Variants in GDI2 observed in about 807,000 individuals in gnomAD.
GDI2 encodes the protein GDP dissociation inhibitor 2.
GDI2 carries 22 observed loss-of-function variants against 54.2 expected under a neutral mutation model. The observed-to-expected ratio is 0.41, with a 90% CI of 0.29 to 0.58. The LOEUF (loss-of-function observed/expected upper bound fraction) is 0.58, where lower values mean the gene tolerates loss of function less well. Among genes scored for constraint, GDI2 ranks in the 20% least tolerant of loss-of-function variants. GDI2 has a pLI of 0.35. For synonymous variants in GDI2, 177 were observed against 182.1 expected (o/e 0.97, Z 0.23); for missense variants, 422 against 546.0 (o/e 0.77, Z 2.26).
At position 5,771,874 on chromosome 10, in the gene GDI2, G is replaced by A. The variant is rs192963101; in HGVS notation, c.819+1968C>T. Among the ~76,000 whole-genome samples the A allele has an allele frequency of 3.4e-3, 520 of 152,140 alleles. 3 individuals are homozygous for A. The highest frequency in any genetic ancestry group is 0.012 in the African/African-American group (488 of 41,516). ...TGGGAGGCCGAGGCAGGCAGATCACGAGGTCAAGAAACCAAGACCAGCCTG... is the reference window on the plus strand; with the variant it reads ...TGGGAGGCCGAGGCAGGCAGATCACAAGGTCAAGAAACCAAGACCAGCCTG... On this transcript the variant is annotated intron_variant, in intron 7 of 10. Coordinates refer to ENST00000380191, the MANE Select transcript of GDI2 (RefSeq NM_001494.4).
intron 8 of GDI2, among the ~76,000 whole-genome samples, chr10:5,767,522 A>C (rs1170754172): frequency 6.6e-6 from 1 of 152,010 alleles, no homozygotes; most frequent in Non-Finnish European, 1.5e-5. Context: ...ACGAGCTCTC[A>C]CTATGTTACC....
At chr10:5,807,631 G>T (rs1034135351) in intron 1 of GDI2, among the ~76,000 whole-genome samples, 2 of 152,168 alleles carry the variant, frequency 1.3e-5, no homozygotes, top group African/African-American at 2.4e-5. Flanking sequence ...GGCACTTGAC[G>T]TTCTCCTACA....
Position 5,796,695 on chromosome 10 carries a change from A to T in GDI2, c.253+68T>A, listed in dbSNP as rs1841154078. 6 of 832,810 alleles carry T rather than the reference A, an allele frequency of 7.2e-6. 1 individual carries two copies. Among genetic ancestry groups the T allele is most frequent in the Non-Finnish European group, 1.1e-5 (5 of 475,800 alleles). 51.6% of individuals were successfully genotyped at this position (832,810 alleles called of 1,614,324 possible). On this transcript the variant is annotated intron_variant, in intron 3 of 10. Transcript: ENST00000380191. ...CTCATACCCAGAATAGTACTCTGTC[A>T]AAAGTTAGTTTTGATATTAAAATTG...
At chr10:5,769,162 A>G (rs1840428100) in intron 7 of GDI2, 1 of 152,162 alleles carries the variant, frequency 6.6e-6, no homozygotes, top group African/African-American at 2.4e-5. Flanking sequence ...ATCAGAAGAC[A>G]CTAATCAAGA....
At chr10:5,800,533 G>C (rs1435926852) in intron 2 of GDI2, 65 bp downstream of exon 2, 1 of 818,278 alleles carries the variant, frequency 1.2e-6, no homozygotes, top group African/African-American at 1.7e-5. Context: ...AAGGAATAAG[G>C]TAGAGATTCA....
chr10:5,772,231 TGAGTG>T (rs1268231881), intron 7 of GDI2, among the ~76,000 whole-genome samples: 2 of 152,218 alleles, frequency 1.3e-5, no homozygotes, highest in Non-Finnish European at 2.9e-5. Context: ...CAAAGGTGGC[TGAGTG>T]AAGTTTGTTG....
At chr10:5,796,928 TA>T (rs1841159647) in intron 2 of GDI2, 66 bp from the exon 3 acceptor site, 2 of 744,514 alleles carry the variant, frequency 2.7e-6, no homozygotes, top group Non-Finnish European at 4.7e-6. Flanking sequence ...AATATGTACA[TA>T]TTTTTTATTA....
At chr10:5,811,901 G>A (rs1405210599) in intron 1 of GDI2, 2 of 1,140,342 alleles carry the variant, frequency 1.8e-6, no homozygotes, top group Admixed American at 5.6e-5. Flanking sequence ...CCAAATAAAA[G>A]TTCGAAGGTT....
intron 1 of GDI2, among the ~76,000 whole-genome samples, chr10:5,805,643 C>T (rs1386686551): frequency 6.6e-6 from 1 of 152,208 alleles, no homozygotes. Flanking sequence ...GCCTTGTCCT[C>T]CCAAAGTGCT....
intron 2 of GDI2, among the ~76,000 whole-genome samples, chr10:5,798,336 C>G (rs1841192963): frequency 6.6e-6 from 1 of 152,106 alleles, no homozygotes; most frequent in South Asian, 2.1e-4. Context: ...GCCTGTAATT[C>G]CAGCACTTTG....
At chr10:5,795,366 C>T (rs939592451) in intron 3 of GDI2, among the ~76,000 whole-genome samples, 1 of 152,112 alleles carries the variant, frequency 6.6e-6, no homozygotes, top group Non-Finnish European at 1.5e-5. Flanking sequence ...AAACAATCCA[C>T]CCACCTTGGC....
rs1217163523 is a variant in GDI2, at chr10:5,766,295, T to A, written c.1137A>T (p.Lys379Asn). ...ALELLEPIEQ[K>N]FVSISDLLVP... ...CCAGGAGGTCACTGATGCTAACAAA[T>A]CTGGAGGGAGAGAGAATTCAGTCAG... is the stretch of plus-strand genomic sequence containing the variant. Residue 379 changes from lysine (K) to asparagine (N), a missense_variant and splice_region_variant, in exon 10 of 11, where the codon AAA (lysine) becomes AAT (asparagine). Transcript: ENST00000380191. This position sits in a 1 kb window ranked among gnomAD's most constrained non-coding sequence, Gnocchi z 5.8. 3 of 1,612,186 alleles carry A rather than the reference T, an allele frequency of 1.9e-6. No individual in the cohort carries two copies. The East Asian group carries it at 6.7e-5, about 36-fold the overall frequency.
intron 1 of GDI2, among the ~76,000 whole-genome samples, chr10:5,803,063 T>C (rs1162963266): frequency 6.6e-6 from 1 of 152,222 alleles, no homozygotes; most frequent in Non-Finnish European, 1.5e-5. Context: ...AGACAATATA[T>C]CGCAACAGAA....
intron 1 of GDI2, among the ~76,000 whole-genome samples, chr10:5,806,924 C>T (rs1257131017): frequency 6.6e-6 from 1 of 152,092 alleles, no homozygotes; most frequent in African/African-American, 2.4e-5. Context: ...TAAGCATGAC[C>T]CACTGGACTA....
intron 6 of GDI2, among the ~76,000 whole-genome samples, chr10:5,782,727 A>C (rs1278921695): frequency 6.6e-6 from 1 of 152,222 alleles, no homozygotes; most frequent in East Asian, 1.9e-4. Context: ...TGAGGTCAGG[A>C]GTTCAAGACC....
At chr10:5,784,020 C>A (rs1840817175) in intron 6 of GDI2, among the ~76,000 whole-genome samples, 1 of 152,098 alleles carries the variant, frequency 6.6e-6, no homozygotes, top group Non-Finnish European at 1.5e-5. Flanking sequence ...TCAATTAATC[C>A]CTCAAATTTG....
In GDI2 at chr10:5,766,577, A is replaced by C; in HGVS notation, c.1053T>G (p.Ala351=). Residue 351 remains alanine (A), a synonymous_variant, in exon 9 of 11, where the codon GCT becomes GCG. Coordinates refer to ENST00000380191, the MANE Select transcript of GDI2 (RefSeq NM_001494.4). The surrounding 1 kb of genome is among the most constrained non-coding windows in gnomAD (Gnocchi z 5.8). Reference sequence around the variant, plus strand: ...TGGTTTCCACAGTTGTACTAACTATAGCAATGTACTTCCCTTGTGCTGCTA... The same window carrying C: ...TGGTTTCCACAGTTGTACTAACTATCGCAATGTACTTCCCTTGTGCTGCTA... ...HNVAAQGKYI[A]IVSTTVETKE... 5 of 1,612,670 alleles carry C rather than the reference A, an allele frequency of 3.1e-6. No homozygotes were observed. The highest frequency in any genetic ancestry group is 4.2e-6 in the Non-Finnish European group (5 of 1,178,654).
At chr10:5,795,394 T>C (rs1841122479) in intron 3 of GDI2, among the ~76,000 whole-genome samples, 1 of 152,150 alleles carries the variant, frequency 6.6e-6, no homozygotes, top group South Asian at 2.1e-4. Context: ...GTGCTGGGAT[T>C]ATAGGCACGA....
At chr10:5,802,464 T>C (rs1485061832) in intron 1 of GDI2, among the ~76,000 whole-genome samples, 2 of 152,046 alleles carry the variant, frequency 1.3e-5, no homozygotes, top group African/African-American at 4.8e-5. Flanking sequence ...CTGGGCATGG[T>C]GGCGCATGCC....
Sources: allele counts gnomAD v4.1 joint callset (sites outside exome capture counted in the v4.1 genomes callset), GRCh38; gene constraint gnomAD v4.1.1; non-coding constraint Gnocchi (gnomAD v3.1); transcripts MANE v1.5; gene names NCBI Gene and HGNC (gene_info 2026-07-23, HGNC 2026-07-21).